The following KCNK3 variants were observed in gnomAD, a reference collection of about 807,000 sequenced individuals.
The protein encoded by KCNK3 is potassium two pore domain channel subfamily K member 3, also known as potassium channel subfamily K member 3.
A neutral mutation model predicts 27.3 loss-of-function variants in KCNK3; 9 were observed. That is an observed-to-expected ratio of 0.33 (90% CI 0.20 to 0.57). The LOEUF (loss-of-function observed/expected upper bound fraction) is 0.57. KCNK3 is among the 20% of genes least tolerant of loss of function. KCNK3 has a pLI of 0.87. For missense variants in KCNK3, 391 were observed against 577.7 expected (o/e 0.68, Z 3.31); for synonymous variants, 278 against 273.8 (o/e 1.02, Z -0.15).
intron 1 of KCNK3, among the ~76,000 whole-genome samples, chr2:26,712,736 A>G (rs1572608649): frequency 6.7e-6 from 1 of 150,344 alleles, no homozygotes; most frequent in East Asian, 2.0e-4. Context: ...GGGGGTGGGG[A>G]CCTCATGTCT....
Position 26,716,590 on chromosome 2 carries a change from G to A in KCNK3, c.284-11077G>A, listed in dbSNP as rs139389451. Among the ~76,000 whole-genome samples the A allele has an allele frequency of 1.3e-4, 20 of 152,152 alleles. No individual in the cohort carries two copies. The East Asian group carries it at 2.3e-3, about 18-fold the overall frequency. The stretch of plus-strand genomic sequence containing the variant: ...GCCCAACAGGCAGAACAAAGAGCAC[G>A]AGCAGTGTCCAGAAATGTGGAAAGG... On this transcript the variant is annotated intron_variant, in intron 1 of 1. Coordinates refer to ENST00000302909, the MANE Select transcript of KCNK3 (RefSeq NM_002246.3).
At chr2:26,707,945 C>T (rs1346467577) in intron 1 of KCNK3, among the ~76,000 whole-genome samples, 3 of 152,174 alleles carry the variant, frequency 2.0e-5, no homozygotes, top group Non-Finnish European at 2.9e-5. Context: ...CGCAGTCATT[C>T]CTCCACCCAC....
intron 1 of KCNK3, among the ~76,000 whole-genome samples, chr2:26,715,663 G>T (rs1307643726): frequency 3.3e-5 from 5 of 152,220 alleles, no homozygotes; most frequent in Admixed American, 2.0e-4. Context: ...TCTCCTCCCT[G>T]ACTCCATGTG....
At position 26,728,594 on chromosome 2, in the gene KCNK3, G is replaced by A. The variant is rs1663477591; in HGVS notation, c.*26G>A. 2 of 1,412,508 alleles carry A rather than the reference G, an allele frequency of 1.4e-6. No homozygotes were observed. The highest frequency in any genetic ancestry group is 3.1e-5 in the Admixed American group (1 of 32,390). The allele number at this position is 1,412,508 out of a possible 1,614,324, so 87.5% of individuals were successfully genotyped here. A position where few individuals can be genotyped will look rare whatever the true frequency, so the allele number is the denominator to read the frequency against. On this transcript the variant is annotated 3_prime_UTR_variant, in exon 2 of 2. Transcript: ENST00000302909. The stretch of plus-strand genomic sequence containing the variant: ...CTGCCCCGAGGGGCCTGGAGCACCT[G>A]GGGGCGCGGGCGGGGGACCCCTGCT...
intron 1 of KCNK3, among the ~76,000 whole-genome samples, chr2:26,708,106 T>A (rs531635553): frequency 6.6e-6 from 1 of 152,178 alleles, no homozygotes; most frequent in Non-Finnish European, 1.5e-5. Context: ...ATAAACAACA[T>A]CATCTCAATG....
At position 26,728,602 on chromosome 2, in the gene KCNK3, G is replaced by T; in HGVS notation, c.*34G>T. The T allele has an allele frequency of 1.4e-6, 2 of 1,409,608 alleles. No homozygotes were observed. The highest frequency in any genetic ancestry group is 1.8e-6 in the Non-Finnish European group (2 of 1,082,456). The allele number at this position is 1,409,608 out of a possible 1,614,324, so 87.3% of individuals were successfully genotyped here. On this transcript the variant is annotated 3_prime_UTR_variant, in exon 2 of 2. Transcript: ENST00000302909. Reference sequence around the variant, plus strand: ...AGGGGCCTGGAGCACCTGGGGGCGCGGGCGGGGGACCCCTGCTGGGAGGCC... The same window carrying T: ...AGGGGCCTGGAGCACCTGGGGGCGCTGGCGGGGGACCCCTGCTGGGAGGCC...
chr2:26,699,706 T>A (rs973411178), intron 1 of KCNK3, among the ~76,000 whole-genome samples: 1 of 152,166 alleles, frequency 6.6e-6, no homozygotes, highest in Non-Finnish European at 1.5e-5. Context: ...CCACTCCCTC[T>A]CCACCTTGGA....
At chr2:26,725,680 A>G (rs1420811293) in intron 1 of KCNK3, among the ~76,000 whole-genome samples, 1 of 152,164 alleles carries the variant, frequency 6.6e-6, no homozygotes, top group Non-Finnish European at 1.5e-5. Context: ...CAGTGGCTCT[A>G]CAGCTCAGCT....
Position 26,693,198 on chromosome 2 carries a change from G to A in KCNK3, c.283+40G>A. ...GGCGGGGGGCGGGAACCCAGGGCTGGGCGCGGGGCTCCGGGAGTCGTCCGG... is the reference window on the plus strand; with the variant it reads ...GGCGGGGGGCGGGAACCCAGGGCTGAGCGCGGGGCTCCGGGAGTCGTCCGG... On this transcript the variant is annotated intron_variant, in intron 1 of 1. Transcript: ENST00000302909. The surrounding 1 kb of genome is among the most constrained non-coding windows in gnomAD (Gnocchi z 5.5). The A allele has an allele frequency of 6.9e-7, 1 of 1,446,908 alleles. No homozygotes were observed. The allele number at this position is 1,446,908 out of a possible 1,614,324, so 89.6% of individuals were successfully genotyped here.
At position 26,731,773 on chromosome 2, in the gene KCNK3, C is replaced by T. The variant is rs1216057468; in HGVS notation, c.*3205C>T. On this transcript the variant is annotated 3_prime_UTR_variant, in exon 2 of 2. Transcript: ENST00000302909. The stretch of plus-strand genomic sequence containing the variant: ...TATTGTCCCCCCCGTACATGAGTAA[C>T]TGAGGCCCACAGAGAGCAAATCGCC... The T allele has an allele frequency of 6.6e-6, 1 of 152,204 alleles. No individual in the cohort carries two copies. Among genetic ancestry groups the T allele is most frequent in the Non-Finnish European group, 1.5e-5 (1 of 68,066 alleles). The allele number at this position is 152,204 out of a possible 1,614,324, so 9.4% of individuals were successfully genotyped here. A position where few individuals can be genotyped will look rare whatever the true frequency, so the allele number is the denominator to read the frequency against.
rs1663484129 is a variant in KCNK3 at position 26,728,893 on chromosome 2, T to C, written c.*325T>C. 3.5e-6 allele frequency: 1 copy of C among 286,016 alleles called. No homozygotes were observed. Among genetic ancestry groups the C allele is most frequent in the Non-Finnish European group, 6.5e-6 (1 of 154,806 alleles). 17.7% of individuals were successfully genotyped at this position (286,016 alleles called of 1,614,324 possible). ...TCCCAGTCCTCAGAGACCCTGCTGG[T>C]ACCCAGACCCCCACCTTCGGAGGGG... is the stretch of plus-strand genomic sequence containing the variant. On this transcript the variant is annotated 3_prime_UTR_variant, in exon 2 of 2. Transcript: ENST00000302909.
chr2:26,717,079 C>A (rs1663246676), intron 1 of KCNK3, among the ~76,000 whole-genome samples: 1 of 152,216 alleles, frequency 6.6e-6, no homozygotes, highest in African/African-American at 2.4e-5. Context: ...TATTTACTAT[C>A]TGGCCCTTTA....
intron 1 of KCNK3, among the ~76,000 whole-genome samples, chr2:26,702,332 G>C (rs1670318481): frequency 6.6e-6 from 1 of 152,230 alleles, no homozygotes; most frequent in South Asian, 2.1e-4. Context: ...GGCCATGTGT[G>C]TATGCAAACT....
chr2:26,699,856 A>C (rs1367718422), intron 1 of KCNK3, among the ~76,000 whole-genome samples: 2 of 152,232 alleles, frequency 1.3e-5, no homozygotes, highest in African/African-American at 2.4e-5. Context: ...AGAAGTTCAG[A>C]AATCTGGGCA....
chr2:26,721,756 C>A lies in KCNK3; in HGVS notation c.284-5911C>A, dbSNP rs534873502. Among the ~76,000 whole-genome samples the A allele has an allele frequency of 7.9e-5, 12 of 152,376 alleles. No individual in the cohort carries two copies. In the South Asian group the frequency reaches 2.1e-3, roughly 26 times the overall value. On this transcript the variant is annotated intron_variant, in intron 1 of 1. Coordinates refer to ENST00000302909, the MANE Select transcript of KCNK3 (RefSeq NM_002246.3). This position sits in a 1 kb window ranked among gnomAD's most constrained non-coding sequence, Gnocchi z 4.3. Reference sequence around the variant, plus strand: ...GGCCCAAGCCACACTGAGGTCACTTCGGCATCAGCCCAGAGTTCACGGCCT... The same window carrying A: ...GGCCCAAGCCACACTGAGGTCACTTAGGCATCAGCCCAGAGTTCACGGCCT...
rs1558592639 is a variant in KCNK3, at chr2:26,693,390, A to T, written c.283+232A>T. 6.6e-6 allele frequency among the ~76,000 whole-genome samples: 1 copy of T among 152,140 alleles called. No homozygotes were observed. The highest frequency in any genetic ancestry group is 1.9e-4 in the East Asian group (1 of 5,186). On this transcript the variant is annotated intron_variant, in intron 1 of 1. Coordinates refer to ENST00000302909, the MANE Select transcript of KCNK3 (RefSeq NM_002246.3). This position sits in a 1 kb window ranked among gnomAD's most constrained non-coding sequence, Gnocchi z 5.5. ...TGACTCTCCGGCCGGGCCAGCCCTA[A>T]CTTGGCCCTGCCATGTTGCATAGGC...
chr2:26,715,753 G>C (rs949827265), intron 1 of KCNK3, among the ~76,000 whole-genome samples: 1 of 152,182 alleles, frequency 6.6e-6, no homozygotes, highest in Non-Finnish European at 1.5e-5. Flanking sequence ...TTCAGCTGGG[G>C]AATGTTACAA....
At chr2:26,710,512 C>T (rs373173722) in intron 1 of KCNK3, among the ~76,000 whole-genome samples, 2 of 152,206 alleles carry the variant, frequency 1.3e-5, no homozygotes, top group Non-Finnish European at 2.9e-5. Flanking sequence ...GGCTTGGGAA[C>T]TCAAAGACCC....
chr2:26,721,017 C>T lies in KCNK3; in HGVS notation c.284-6650C>T, dbSNP rs921010067. On this transcript the variant is annotated intron_variant, in intron 1 of 1. Coordinates refer to ENST00000302909, the MANE Select transcript of KCNK3 (RefSeq NM_002246.3). The surrounding 1 kb of genome is among the most constrained non-coding windows in gnomAD (Gnocchi z 4.3). ...AAGGGGCCAGAGGCCACAGTGAAGGCAGGAGCTATGAGTCACCCGAGGCCC... is the reference window on the plus strand; with the variant it reads ...AAGGGGCCAGAGGCCACAGTGAAGGTAGGAGCTATGAGTCACCCGAGGCCC... 5.3e-5 allele frequency among the ~76,000 whole-genome samples: 8 copies of T among 152,138 alleles called. No homozygotes were observed. Among genetic ancestry groups the T allele is most frequent in the African/African-American group, 1.9e-4 (8 of 41,426 alleles).
Sources: gnomAD v4.1 joint callset for allele counts (sites outside exome capture counted in the v4.1 genomes callset) on GRCh38, gnomAD v4.1.1 for gene constraint, Gnocchi (gnomAD v3.1) non-coding constraint, MANE v1.5 for transcripts, NCBI Gene and HGNC (gene_info 2026-07-23, HGNC 2026-07-21) for gene names.